Variants in PIP5K1A observed in about 807,000 individuals in gnomAD.
The protein encoded by PIP5K1A is phosphatidylinositol-4-phosphate 5-kinase type 1 alpha, also known as phosphatidylinositol 4-phosphate 5-kinase type-1 alpha.
A neutral mutation model predicts 72.9 loss-of-function variants in PIP5K1A; 46 were observed. That is an observed-to-expected ratio of 0.63 (90% CI 0.50 to 0.81). PIP5K1A has a LOEUF of 0.81. Ranked by LOEUF, PIP5K1A falls within the 30% of genes least tolerant of loss-of-function variation. The pLI is 0.00. For synonymous variants in PIP5K1A, 228 were observed against 255.1 expected (o/e 0.89, Z 1.01); for missense variants, 458 against 706.1 (o/e 0.65, Z 3.98).
chr1:151,229,167 CAAA>C (rs34356281), intron 4 of PIP5K1A, among the ~76,000 whole-genome samples: 6 of 41,362 alleles, frequency 1.5e-4, no homozygotes, highest in East Asian at 2.1e-3. Context: ...GACCCCGTCT[CAAA>C]AAAAAAAAAA....
At position 151,248,245 on chromosome 1, in the gene PIP5K1A, G is replaced by A. The variant is rs1311477381; in HGVS notation, c.*380G>A. On this transcript the variant is annotated 3_prime_UTR_variant, in exon 16 of 16. Transcript: ENST00000368888. ...TTCCCCTCGTCTTTGACTAGGAACC[G>A]GACTCTTAATTTCCTCAGGACAGAC... The A allele has an allele frequency of 1.3e-5, 4 of 300,858 alleles. No homozygotes were observed. The highest frequency in any genetic ancestry group is 4.4e-5 in the African/African-American group (2 of 45,000). 18.6% of individuals were successfully genotyped at this position (300,858 alleles called of 1,614,324 possible).
At chr1:151,215,888 ACATGTATGCTTAT>A in intron 1 of PIP5K1A, 1 of 758,798 alleles carries the variant, frequency 1.3e-6, no homozygotes, top group East Asian at 6.4e-5. Context: ...AGTTTTAAAA[ACATGTATGCTTAT>A]CATGCTGTAA....
At chr1:151,195,838 G>C (rs958987625), upstream of PIP5K1A, among the ~76,000 whole-genome samples, 1 of 126,014 alleles carries the variant, frequency 7.9e-6, no homozygotes, top group Non-Finnish European at 1.6e-5. Context: ...TTATTAGTCT[G>C]TTTCCAATTT....
At chr1:151,218,799 C>T (rs1258813371) in intron 1 of PIP5K1A, among the ~76,000 whole-genome samples, 3 of 134,286 alleles carry the variant, frequency 2.2e-5, no homozygotes, top group Non-Finnish European at 4.6e-5. Context: ...CACTACTGCA[C>T]TCCAGCCTGG....
intron 12 of PIP5K1A, among the ~76,000 whole-genome samples, chr1:151,241,817 A>G (rs1033568987): frequency 1.3e-5 from 2 of 151,272 alleles, no homozygotes; most frequent in Admixed American, 1.3e-4. Context: ...AAAAAAAAAA[A>G]GGAATTATGC....
intron 8 of PIP5K1A, among the ~76,000 whole-genome samples, chr1:151,236,120 A>AG (rs1491561830): frequency 8.0e-5 from 10 of 125,244 alleles, no homozygotes; most frequent in African/African-American, 3.1e-4. Context: ...ACTCCGTCTC[A>AG]AAAAAAAAAA....
At position 151,242,595 on chromosome 1, in the gene PIP5K1A, T is replaced by A. The variant is rs377455835; in HGVS notation, c.1640+28T>A. ...TGGTTTATTGGCCCCTTTCTCCATA[T>A]AATCTTATCTCTCTTTTCAAGTCCT... On this transcript the variant is annotated intron_variant, in intron 14 of 15. Coordinates refer to ENST00000368888, the MANE Select transcript of PIP5K1A (RefSeq NM_001135638.2). The A allele has an allele frequency of 3.8e-6, 6 of 1,593,990 alleles. No individual in the cohort carries two copies. The South Asian group carries it at 6.6e-5, about 18-fold the overall frequency.
At chr1:151,196,635 A>G (rs964805367), upstream of PIP5K1A, among the ~76,000 whole-genome samples, 2 of 150,060 alleles carry the variant, frequency 1.3e-5, no homozygotes, top group Admixed American at 6.7e-5. Flanking sequence ...GCTCACCGAA[A>G]CGTCTGCCTC....
At chr1:151,196,156 C>CA (rs1391920298), upstream of PIP5K1A, among the ~76,000 whole-genome samples, 1 of 152,110 alleles carries the variant, frequency 6.6e-6, no homozygotes, top group Non-Finnish European at 1.5e-5. Flanking sequence ...CTCGGCCTCC[C>CA]AAAGTGCTGG....
chr1:151,208,288 G>A (rs1686230092), intron 1 of PIP5K1A, among the ~76,000 whole-genome samples: 1 of 152,032 alleles, frequency 6.6e-6, no homozygotes, highest in African/African-American at 2.4e-5. Flanking sequence ...TCCTAGAAGA[G>A]CGTTAGGAAA....
intron 1 of PIP5K1A, among the ~76,000 whole-genome samples, chr1:151,218,831 CAAAAAAA>C (rs5777767): frequency 2.8e-5 from 2 of 70,516 alleles, no homozygotes; most frequent in South Asian, 5.5e-4. Flanking sequence ...GACTCTGTCT[CAAAAAAA>C]AAAAAAAAAA....
chr1:151,227,456 G>A, intron 4 of PIP5K1A, 56 bp downstream of exon 4: 1 of 1,144,232 alleles, frequency 8.7e-7, no homozygotes, highest in Non-Finnish European at 1.3e-6. Flanking sequence ...GCTTACTCTG[G>A]GAACTCAGTC....
chr1:151,214,770 G>A (rs1322926082), intron 1 of PIP5K1A, among the ~76,000 whole-genome samples: 3 of 152,174 alleles, frequency 2.0e-5, no homozygotes, highest in East Asian at 1.9e-4. Flanking sequence ...AGGTTGGAGC[G>A]CAATGGTGTG....
intron 15 of PIP5K1A, among the ~76,000 whole-genome samples, chr1:151,247,295 AT>A: frequency 6.6e-6 from 1 of 151,668 alleles, no homozygotes; most frequent in Non-Finnish European, 1.5e-5. Flanking sequence ...CGCCCGGCTA[AT>A]TTTTTATTTT....
chr1:151,237,803 A>G (rs1691108022), intron 9 of PIP5K1A, among the ~76,000 whole-genome samples: 1 of 152,132 alleles, frequency 6.6e-6, no homozygotes, highest in African/African-American at 2.4e-5. Context: ...TCTCAAGAAG[A>G]GTGTCTTAGT....
At chr1:151,196,534 C>T (rs1684560973), upstream of PIP5K1A, among the ~76,000 whole-genome samples, 1 of 147,790 alleles carries the variant, frequency 6.8e-6, no homozygotes, top group African/African-American at 2.5e-5. Context: ...TAGAAGGCTG[C>T]AGTAAATGCA....
intron 14 of PIP5K1A, among the ~76,000 whole-genome samples, chr1:151,243,834 C>T (rs587599221): frequency 6.6e-6 from 1 of 152,238 alleles, no homozygotes; most frequent in South Asian, 2.1e-4. Flanking sequence ...GGATTTACTC[C>T]ATTAGACAAA....
At chr1:151,196,418 G>A (rs1009251640), upstream of PIP5K1A, among the ~76,000 whole-genome samples, 1 of 152,036 alleles carries the variant, frequency 6.6e-6, no homozygotes, top group African/African-American at 2.4e-5. Flanking sequence ...CCACTGCTGT[G>A]GAATTACAAA....
chr1:151,201,623 T>TG (rs1685226901), intron 1 of PIP5K1A, among the ~76,000 whole-genome samples: 1 of 152,090 alleles, frequency 6.6e-6, no homozygotes, highest in African/African-American at 2.4e-5. Flanking sequence ...CCAAAAATGC[T>TG]GGGATTACAG....
Sources: gnomAD v4.1 joint callset for allele counts (sites outside exome capture counted in the v4.1 genomes callset) on GRCh38, gnomAD v4.1.1 for gene constraint, MANE v1.5 for transcripts, NCBI Gene and HGNC (gene_info 2026-07-23, HGNC 2026-07-21) for gene names.